Variants in CACNA1A observed in about 807,000 individuals in gnomAD.
The protein encoded by CACNA1A is voltage-dependent P/Q-type calcium channel subunit alpha-1A.
CACNA1A carries 57 observed loss-of-function variants against 262.4 expected under a neutral mutation model. That is an observed-to-expected ratio of 0.22 (90% CI 0.18 to 0.27). The LOEUF is 0.27. Ranked by LOEUF, CACNA1A falls within the 10% of genes least tolerant of loss-of-function variation. The pLI is 1.00. For missense variants in CACNA1A, 2,526 were observed against 3,562.8 expected (o/e 0.71, Z 7.41); for synonymous variants, 1,431 against 1,419.3 (o/e 1.01, Z -0.18).
chr19:13,209,338 A>G lies in CACNA1A; in HGVS notation c.6500T>C (p.Leu2167Pro). 7.2e-7 allele frequency: 1 copy of G among 1,395,116 alleles called. No homozygotes were observed. The highest frequency in any genetic ancestry group is 9.3e-7 in the Non-Finnish European group (1 of 1,070,326). The allele number at this position is 1,395,116 out of a possible 1,614,324, so 86.4% of individuals were successfully genotyped here. Residue 2167 changes from leucine to proline, a missense_variant, in exon 45 of 47, where the codon CTG becomes CCG. Coordinates refer to ENST00000360228, the MANE Select transcript of CACNA1A (RefSeq NM_001127222.2). Reference sequence around the variant, plus strand: ...TGTGTCCACATCGGTGTAGCGGCCCAGGGAGCGCTCAGAGGCGCGGTGGCT... The same window carrying G: ...TGTGTCCACATCGGTGTAGCGGCCCGGGGAGCGCTCAGAGGCGCGGTGGCT... ...DRSHRASERS[L>P]GRYTDVDTGL...
intron 7 of CACNA1A, 128 bp downstream of exon 7, chr19:13,335,678 T>C (rs1180947927): frequency 1.4e-6 from 1 of 697,654 alleles, no homozygotes; most frequent in Middle Eastern, 2.4e-4. Context: ...AACAGTCTGG[T>C]AACCCAAACA....
intron 10 of CACNA1A, among the ~76,000 whole-genome samples, chr19:13,325,122 C>T (rs923666355): frequency 7.0e-6 from 1 of 141,898 alleles, no homozygotes; most frequent in South Asian, 2.5e-4. Context: ...CTTCCCCTTC[C>T]CATTCCTCCT....
chr19:13,411,500 C>T (rs1172603776), intron 3 of CACNA1A, among the ~76,000 whole-genome samples: 1 of 152,180 alleles, frequency 6.6e-6, no homozygotes, highest in African/African-American at 2.4e-5. Flanking sequence ...GCCTTTACTT[C>T]TCCTTTGCCT....
chr19:13,309,635 G>A (rs1019055733), intron 12 of CACNA1A, among the ~76,000 whole-genome samples: 1 of 151,994 alleles, frequency 6.6e-6, no homozygotes, highest in East Asian at 1.9e-4. Context: ...TGAGACAGGA[G>A]AGGGTCATGA....
chr19:13,315,940 C>CTTTATTTTAT (rs140079931), intron 11 of CACNA1A: 24 of 151,822 alleles, frequency 1.6e-4, no homozygotes, highest in African/African-American at 3.1e-4. Context: ...AATCACTACT[C>CTTTATTTTAT]TTTATTTTAT....
chr19:13,482,053 A>G (rs1276536873), intron 1 of CACNA1A, among the ~76,000 whole-genome samples: 1 of 152,194 alleles, frequency 6.6e-6, no homozygotes, highest in Non-Finnish European at 1.5e-5. Flanking sequence ...GAACACGGAA[A>G]GATTTTCACT....
chr19:13,243,042 C>T (rs567744076), intron 31 of CACNA1A, among the ~76,000 whole-genome samples: 2 of 152,226 alleles, frequency 1.3e-5, no homozygotes, highest in Non-Finnish European at 2.9e-5. Flanking sequence ...ACCCCACCTG[C>T]CCTTCTGGGG....
chr19:13,504,392 T>TA (rs1982763416), intron 1 of CACNA1A, among the ~76,000 whole-genome samples: 1 of 152,042 alleles, frequency 6.6e-6, no homozygotes, highest in Non-Finnish European at 1.5e-5. Flanking sequence ...CTGAACTTCT[T>TA]AATTTTCCCC....
chr19:13,239,714 G>C (rs921070957), intron 31 of CACNA1A, among the ~76,000 whole-genome samples: 3 of 152,156 alleles, frequency 2.0e-5, no homozygotes, highest in African/African-American at 7.2e-5. Context: ...TGAGAAGTGG[G>C]GGAGGGAGAG....
At chr19:13,369,354 A>G (rs2059278185) in intron 4 of CACNA1A, among the ~76,000 whole-genome samples, 2 of 152,166 alleles carry the variant, frequency 1.3e-5, no homozygotes, top group Admixed American at 6.5e-5. Context: ...CTGGTGTCAC[A>G]CACACTCCAG....
chr19:13,261,536 G>A lies in CACNA1A; in HGVS notation c.4164C>T (p.Phe1388=), dbSNP rs765852221. The part of the protein sequence containing the change: ...NILIVYMLFM[F]IFAVVAVQLF... Reference sequence around the variant, plus strand: ...GCTGCACAGCCACCACGGCGAAGATGAACATGAATAGCATGTAGACGATGA... The same window carrying A: ...GCTGCACAGCCACCACGGCGAAGATAAACATGAATAGCATGTAGACGATGA... Residue 1388 remains phenylalanine, a synonymous_variant, in exon 26 of 47, where the codon TTC becomes TTT. Coordinates refer to ENST00000360228, the MANE Select transcript of CACNA1A (RefSeq NM_001127222.2). The A allele has an allele frequency of 1.2e-6, 2 of 1,605,146 alleles. No individual in the cohort carries two copies. Among genetic ancestry groups the A allele is most frequent in the Non-Finnish European group, 1.7e-6 (2 of 1,175,802 alleles).
intron 19 of CACNA1A, among the ~76,000 whole-genome samples, chr19:13,288,082 C>T (rs1049979215): frequency 2.6e-5 from 4 of 152,114 alleles, no homozygotes; most frequent in Non-Finnish European, 4.4e-5. Flanking sequence ...GGATTACAGG[C>T]GTAAACCACA....
At chr19:13,216,368 C>T (rs1357340318) in intron 38 of CACNA1A, among the ~76,000 whole-genome samples, 1 of 152,030 alleles carries the variant, frequency 6.6e-6, no homozygotes, top group African/African-American at 2.4e-5. Flanking sequence ...GATGGAGTCT[C>T]GCTCTGTCAC....
chr19:13,348,440 T>C (rs1316030013), intron 6 of CACNA1A, among the ~76,000 whole-genome samples: 1 of 152,100 alleles, frequency 6.6e-6, no homozygotes, highest in Non-Finnish European at 1.5e-5. Context: ...TGGTGGCTCA[T>C]GCCTGTAATA....
intron 1 of CACNA1A, among the ~76,000 whole-genome samples, chr19:13,469,378 G>A (rs906601583): frequency 2.7e-5 from 4 of 150,068 alleles, no homozygotes; most frequent in Non-Finnish European, 5.9e-5. Context: ...TCTCCTCCAA[G>A]CCACTCCAGC....
intron 3 of CACNA1A, among the ~76,000 whole-genome samples, chr19:13,408,578 C>G (rs1031784031): frequency 2.0e-5 from 3 of 152,196 alleles, no homozygotes; most frequent in Non-Finnish European, 2.9e-5. Context: ...GATTATACCA[C>G]TGTGTGTGGG....
chr19:13,402,767 T>C (rs866069501), intron 3 of CACNA1A, among the ~76,000 whole-genome samples: 10 of 130,616 alleles, frequency 7.7e-5, no homozygotes, highest in Admixed American at 4.3e-4. Context: ...CACATATATA[T>C]ACATATATAT....
At chr19:13,406,377 C>T (rs1485271122) in intron 3 of CACNA1A, among the ~76,000 whole-genome samples, 1 of 147,510 alleles carries the variant, frequency 6.8e-6, no homozygotes, top group African/African-American at 2.5e-5. Context: ...GTTGCTTGAA[C>T]CTGGGAGGTG....
chr19:13,212,181 G>C lies in CACNA1A; in HGVS notation c.6225C>G (p.Tyr2075Ter). The C allele has an allele frequency of 6.2e-7, 1 of 1,613,922 alleles. No homozygotes were observed. The highest frequency in any genetic ancestry group is 8.5e-7 in the Non-Finnish European group (1 of 1,179,824). The change falls in exon 43 of 47, where the codon TAC (tyrosine) becomes TAG (stop). Residue 2075 changes from tyrosine to a stop codon, truncating the protein, a stop_gained. Coordinates refer to ENST00000360228, the MANE Select transcript of CACNA1A (RefSeq NM_001127222.2). LOFTEE classifies it high-confidence loss of function. This position sits in a 1 kb window ranked among gnomAD's most constrained non-coding sequence, Gnocchi z 5.6. ...VEMREMGRDG[Y>*]SDSEHYLPME... ...TGGGGAGGTAGTGCTCGCTGTCGGA[G>C]TAGCCATCTCTGCCCATCTCTCGCA...
Sources: allele counts gnomAD v4.1 joint callset (sites outside exome capture counted in the v4.1 genomes callset), GRCh38; gene constraint gnomAD v4.1.1; non-coding constraint Gnocchi (gnomAD v3.1); transcripts MANE v1.5; gene names NCBI Gene and HGNC (gene_info 2026-07-23, HGNC 2026-07-21).